Variants in NRIP1 observed in about 807,000 individuals in gnomAD.
NRIP1 encodes nuclear receptor interacting protein 1, also known as nuclear receptor-interacting protein 1.
In NRIP1, 28 loss-of-function variants were observed where a neutral mutation model predicts 75.0. That is an observed-to-expected ratio of 0.37 (90% CI 0.28 to 0.51). The LOEUF (loss-of-function observed/expected upper bound fraction) is 0.51, where lower values mean the gene tolerates loss of function less well. NRIP1 is among the 20% of genes least tolerant of loss of function. The probability of loss-of-function intolerance (pLI) is 0.92; values close to 1 mark genes in which losing one functional copy is unlikely to be tolerated. For synonymous variants in NRIP1, 526 were observed against 487.6 expected, an observed-to-expected ratio of 1.08 and a Z score of -1.04; for missense variants, 1,435 against 1,343.7, an observed-to-expected ratio of 1.07 and a Z score of -1.06.
At chr21:15,027,104 AAAACAT>A (rs1248307176) in intron 2 of NRIP1, among the ~76,000 whole-genome samples, 2 of 152,248 alleles carry the variant, frequency 1.3e-5, no homozygotes, top group Non-Finnish European at 2.9e-5. Context: ...TCGCAAAACA[AAAACAT>A]AAAGTAACAT....
At chr21:15,021,736 G>A (rs1173567040) in intron 2 of NRIP1, among the ~76,000 whole-genome samples, 4 of 152,030 alleles carry the variant, frequency 2.6e-5, no homozygotes, top group African/African-American at 7.2e-5. Flanking sequence ...ACAAAGACAT[G>A]AACAGACAGT....
intron 1 of NRIP1, among the ~76,000 whole-genome samples, chr21:15,047,735 GGCT>G (rs1482608594): frequency 6.6e-6 from 1 of 152,088 alleles, no homozygotes; most frequent in African/African-American, 2.4e-5. Context: ...AACCATATCA[GGCT>G]GCTTTGTGTT....
intron 3 of NRIP1, among the ~76,000 whole-genome samples, chr21:14,981,182 AG>A (rs1568954703): frequency 6.6e-6 from 1 of 152,268 alleles, no homozygotes; most frequent in Non-Finnish European, 1.5e-5. Context: ...AAATTTTCAC[AG>A]GTAACATTAA....
chr21:15,054,359 T>G (rs1262244056), intron 1 of NRIP1, among the ~76,000 whole-genome samples: 2 of 152,064 alleles, frequency 1.3e-5, no homozygotes, highest in Non-Finnish European at 2.9e-5. Context: ...TCCAGAAATA[T>G]TTGTATTCAT....
Position 15,014,409 on chromosome 21 carries a change from A to G in NRIP1, c.-400T>C. On this transcript the variant is annotated 5_prime_UTR_variant, in exon 3 of 4. Transcript: ENST00000318948. ...AAAATTGAGAAGGCTGTTGAAAAGT[A>G]GCTCTGATGTCATCCGGAGTCTTCA... 1 of 398,428 alleles carries G rather than the reference A, an allele frequency of 2.5e-6. No individual in the cohort carries two copies. Among genetic ancestry groups the G allele is most frequent in the Non-Finnish European group, 4.4e-6 (1 of 225,910 alleles). 24.7% of individuals were successfully genotyped at this position (398,428 alleles called of 1,614,324 possible).
At chr21:15,050,003 G>A (rs2089167919) in intron 1 of NRIP1, among the ~76,000 whole-genome samples, 1 of 152,096 alleles carries the variant, frequency 6.6e-6, no homozygotes, top group Admixed American at 6.5e-5. Flanking sequence ...CTTCTTATAA[G>A]TTAAGCCAAT....
At position 14,965,370 on chromosome 21, in the gene NRIP1, G is replaced by C; in HGVS notation, c.2823C>G (p.Leu941=). 1.2e-6 allele frequency: 2 copies of C among 1,614,056 alleles called. No homozygotes were observed. The highest frequency in any genetic ancestry group is 1.7e-6 in the Non-Finnish European group (2 of 1,179,944). Residue 941 remains leucine, a synonymous_variant, in exon 4 of 4, where the codon CTC becomes CTG. Coordinates refer to ENST00000318948, the MANE Select transcript of NRIP1 (RefSeq NM_003489.4). ...KSFNVLKQLL[L]SENCVRDLSP... is the part of the protein sequence containing the mutation. ...ACAAATCTCGCACACAGTTTTCTGA[G>C]AGAAGCAGCTGTTTCAGAACATTAA... is the stretch of plus-strand genomic sequence containing the variant.
chr21:15,027,656 T>C (rs1049767450), intron 2 of NRIP1, among the ~76,000 whole-genome samples: 1 of 152,226 alleles, frequency 6.6e-6, no homozygotes, highest in African/African-American at 2.4e-5. Flanking sequence ...ACTTAATTAC[T>C]GCGAACTTCA....
At chr21:15,064,085 A>C (rs1295364987) in intron 1 of NRIP1, among the ~76,000 whole-genome samples, 2 of 152,246 alleles carry the variant, frequency 1.3e-5, no homozygotes, top group Non-Finnish European at 2.9e-5. Flanking sequence ...GACACAGAAG[A>C]AGGGAGAAAA....
chr21:15,004,922 T>C (rs561233542), intron 3 of NRIP1, among the ~76,000 whole-genome samples: 207 of 152,288 alleles, frequency 1.4e-3, no homozygotes, highest in Non-Finnish European at 2.3e-3. Flanking sequence ...TAAATCACAG[T>C]TGCCAGAGGG....
In NRIP1 at chr21:14,968,240, A is replaced by G. The variant is rs201161750; in HGVS notation, c.-48T>C. The G allele has an allele frequency of 1.5e-5, 21 of 1,376,888 alleles. No homozygotes were observed. The Middle Eastern group carries it at 2.8e-3, about 184-fold the overall frequency. The allele number at this position is 1,376,888 out of a possible 1,614,324, so 85.3% of individuals were successfully genotyped here. A position where few individuals can be genotyped will look rare whatever the true frequency, so the allele number is the denominator to read the frequency against. ...GGCTTGGTTTCTATTCACTTTAAAGAATGGTTTTCTGTGGTGAGTGCGATG... is the reference window on the plus strand; with the variant it reads ...GGCTTGGTTTCTATTCACTTTAAAGGATGGTTTTCTGTGGTGAGTGCGATG... On this transcript the variant is annotated 5_prime_UTR_variant, in exon 4 of 4. Coordinates refer to ENST00000318948, the MANE Select transcript of NRIP1 (RefSeq NM_003489.4).
At chr21:15,054,714 G>A (rs2089271349) in intron 1 of NRIP1, among the ~76,000 whole-genome samples, 1 of 152,162 alleles carries the variant, frequency 6.6e-6, no homozygotes, top group African/African-American at 2.4e-5. Flanking sequence ...TTTTGCCAGT[G>A]GTTGGGACTG....
chr21:15,059,818 C>T (rs2089385923), intron 1 of NRIP1, among the ~76,000 whole-genome samples: 1 of 152,006 alleles, frequency 6.6e-6, no homozygotes, highest in South Asian at 2.1e-4. Context: ...AATTGCCAGC[C>T]TTCTCAATTC....
chr21:15,022,971 A>C (rs2088415274), intron 2 of NRIP1, among the ~76,000 whole-genome samples: 1 of 152,252 alleles, frequency 6.6e-6, no homozygotes, highest in Admixed American at 6.5e-5. Flanking sequence ...GAAGCCAATC[A>C]CTAAAAATCA....
chr21:14,998,393 T>TA (rs2087780416), intron 3 of NRIP1, among the ~76,000 whole-genome samples: 1 of 152,218 alleles, frequency 6.6e-6, no homozygotes, highest in Admixed American at 6.5e-5. Flanking sequence ...AGCATTTAAT[T>TA]ATCACTGAAG....
At position 14,961,859 on chromosome 21, in the gene NRIP1, G is replaced by T. The variant is rs2086597394; in HGVS notation, c.*2857C>A. On this transcript the variant is annotated 3_prime_UTR_variant, in exon 4 of 4. Coordinates refer to ENST00000318948, the MANE Select transcript of NRIP1 (RefSeq NM_003489.4). ...TCTGATTATATTTACACTTATACATGGAATATACAGGAACCAAAGAGATTA... is the reference window on the plus strand; with the variant it reads ...TCTGATTATATTTACACTTATACATTGAATATACAGGAACCAAAGAGATTA... 1 of 151,772 alleles carries T rather than the reference G, an allele frequency of 6.6e-6. No homozygotes were observed. The highest frequency in any genetic ancestry group is 2.4e-5 in the African/African-American group (1 of 41,228). 9.4% of individuals were successfully genotyped at this position (151,772 alleles called of 1,614,324 possible).
At chr21:15,054,377 C>G (rs2089263740) in intron 1 of NRIP1, among the ~76,000 whole-genome samples, 1 of 148,750 alleles carries the variant, frequency 6.7e-6, no homozygotes, top group African/African-American at 2.5e-5. Context: ...CATTTCCTTA[C>G]AAAAAAAATG....
Position 14,991,895 on chromosome 21 carries a change from AT to A in NRIP1, c.-335+22448del, listed in dbSNP as rs1184346108. On this transcript the variant is annotated intron_variant, in intron 3 of 3. Transcript: ENST00000318948. ...TGGAAGATGACTAAAAATGTTGTCT[AT>A]TTACATCTGAGATAGCAAGAAACCT... Among the ~76,000 whole-genome samples, 19 of 152,312 alleles carry A rather than the reference AT, an allele frequency of 1.2e-4. No homozygotes were observed. The East Asian group carries it at 3.7e-3, about 29-fold the overall frequency.
chr21:15,022,690 C>T (rs1171407759), intron 2 of NRIP1, among the ~76,000 whole-genome samples: 2 of 152,178 alleles, frequency 1.3e-5, no homozygotes, highest in African/African-American at 4.8e-5. Flanking sequence ...TGACTATCCA[C>T]CTTCTTCATA....
Sources: allele counts gnomAD v4.1 joint callset (sites outside exome capture counted in the v4.1 genomes callset), GRCh38; gene constraint gnomAD v4.1.1; transcripts MANE v1.5; gene names NCBI Gene and HGNC (gene_info 2026-07-23, HGNC 2026-07-21).